Variants in CCDC12 observed in about 807,000 individuals in gnomAD.
CCDC12 encodes coiled-coil domain containing 12.
CCDC12 carries 28 observed loss-of-function variants against 25.7 expected under a neutral mutation model. That is an observed-to-expected ratio of 1.09 (90% CI 0.81 to 1.50). The LOEUF is 1.50. Among genes scored for constraint, CCDC12 ranks in the 40% most tolerant of loss-of-function variants. The pLI, the probability that CCDC12 is intolerant of heterozygous loss-of-function variation, is 0.00. For synonymous variants in CCDC12, 75 were observed against 87.7 expected (o/e 0.86, Z 0.81); for missense variants, 198 against 210.0 (o/e 0.94, Z 0.35).
At chr3:46,975,401 T>C (rs2034935340) in intron 1 of CCDC12, among the ~76,000 whole-genome samples, 1 of 152,092 alleles carries the variant, frequency 6.6e-6, no homozygotes. Context: ...ATCAGGCTGA[T>C]CTCGAACTCC....
At chr3:46,954,529 A>T (rs2034227743) in intron 1 of CCDC12, among the ~76,000 whole-genome samples, 1 of 152,240 alleles carries the variant, frequency 6.6e-6, no homozygotes, top group African/African-American at 2.4e-5. Context: ...ACCTGGCACC[A>T]GATGCATCAA....
chr3:46,976,528 C>T, intron 1 of CCDC12, 109 bp downstream of exon 1: 1 of 1,456,380 alleles, frequency 6.9e-7, no homozygotes, highest in Non-Finnish European at 9.1e-7. Context: ...CCCGCGCATG[C>T]GCGCCCTCGG....
intron 1 of CCDC12, among the ~76,000 whole-genome samples, chr3:46,954,341 T>C (rs911801372): frequency 1.3e-5 from 2 of 152,188 alleles, no homozygotes; most frequent in African/African-American, 4.8e-5. Flanking sequence ...CCACTATGTG[T>C]TCACTTTCGC....
At chr3:46,966,927 A>C (rs1575563364) in intron 1 of CCDC12, among the ~76,000 whole-genome samples, 1 of 151,422 alleles carries the variant, frequency 6.6e-6, no homozygotes, top group South Asian at 2.1e-4. Context: ...ATGCCGCCCC[A>C]CCCCACCAAG....
At chr3:46,954,585 TA>T (rs1473556107) in intron 1 of CCDC12, among the ~76,000 whole-genome samples, 1 of 152,202 alleles carries the variant, frequency 6.6e-6, no homozygotes, top group Non-Finnish European at 1.5e-5. Flanking sequence ...GATTTGTTCT[TA>T]AAATGGGGTG....
chr3:46,927,736 C>T (rs1375393173), intron 2 of CCDC12, among the ~76,000 whole-genome samples: 1 of 152,208 alleles, frequency 6.6e-6, no homozygotes, highest in Non-Finnish European at 1.5e-5. Flanking sequence ...CTCTATCAAG[C>T]TGGGTCCACG....
chr3:46,980,156 G>A (rs1258311070), upstream of CCDC12, among the ~76,000 whole-genome samples: 1 of 152,124 alleles, frequency 6.6e-6, no homozygotes, highest in Admixed American at 6.5e-5. Context: ...ACCCACCCCC[G>A]CGAGCAGGAC....
chr3:46,980,640 C>T (rs2035263434), upstream of CCDC12, among the ~76,000 whole-genome samples: 1 of 152,162 alleles, frequency 6.6e-6, no homozygotes, highest in Admixed American at 6.5e-5. Flanking sequence ...AGGCCCGTTC[C>T]TCCTGAGCTC....
At position 46,923,469 on chromosome 3, in the gene CCDC12, A is replaced by C. The variant is rs777576300; in HGVS notation, c.307-106T>G. ...TGGGAGAAAGAGGAGGAGGAAGGAGAGGGACGAGAGCAAAGGGGCTGGTGG... is the reference window on the plus strand; with the variant it reads ...TGGGAGAAAGAGGAGGAGGAAGGAGCGGGACGAGAGCAAAGGGGCTGGTGG... On this transcript the variant is annotated intron_variant, in intron 4 of 6. Coordinates refer to ENST00000683445, the MANE Select transcript of CCDC12 (RefSeq NM_001277074.2). 1.3e-5 allele frequency: 19 copies of C among 1,492,466 alleles called. No homozygotes were observed. In the African/African-American group the frequency reaches 2.5e-4, roughly 20 times the overall value. 92.5% of individuals were successfully genotyped at this position (1,492,466 alleles called of 1,614,324 possible). A position where few individuals can be genotyped will look rare whatever the true frequency, so the allele number is the denominator to read the frequency against.
intron 1 of CCDC12, among the ~76,000 whole-genome samples, chr3:46,974,440 T>C (rs1200937220): frequency 6.6e-6 from 1 of 152,182 alleles, no homozygotes; most frequent in East Asian, 1.9e-4. Flanking sequence ...GGATGCTATT[T>C]TGTCCGTTGC....
At chr3:46,925,245 G>A (rs2032895724) in intron 3 of CCDC12, 2 of 698,068 alleles carry the variant, frequency 2.9e-6, no homozygotes, top group African/African-American at 1.8e-5. Context: ...GGACTGAGAA[G>A]GCACAAGAGG....
intron 1 of CCDC12, among the ~76,000 whole-genome samples, chr3:46,966,523 A>C (rs55843455): frequency 0.37 from 55,788 of 151,716 alleles, 10,888 homozygotes; most frequent in Middle Eastern, 0.53. Flanking sequence ...CTCAAAAAAA[A>C]AAAGAAAGAA....
rs1198903085 is a variant in CCDC12 at position 46,951,779 on chromosome 3, C to CAAAAAAAAAAAAAAAA, written c.97-10730_97-10715dup. Among the ~76,000 whole-genome samples, 8 of 13,658 alleles carry CAAAAAAAAAAAAAAAA rather than the reference C, an allele frequency of 5.9e-4. 1 individual carries two copies. The highest frequency in any genetic ancestry group is 1.7e-3 in the Admixed American group (1 of 578). The allele number at this position is 13,658 out of a possible 152,430, so 9.0% of individuals were successfully genotyped here. ...TGGGCGACAGAACGAGACTCCGTCT[C>CAAAAAAAAAAAAAAAA]AAAAAAAAAAAAAAAAAAAATATAT... is the stretch of plus-strand genomic sequence containing the variant. On this transcript the variant is annotated intron_variant, in intron 1 of 6. Coordinates refer to ENST00000683445, the MANE Select transcript of CCDC12 (RefSeq NM_001277074.2).
chr3:46,972,897 G>A (rs1211597972), intron 1 of CCDC12, among the ~76,000 whole-genome samples: 1 of 151,740 alleles, frequency 6.6e-6, no homozygotes, highest in Non-Finnish European at 1.5e-5. Context: ...AAACACTATG[G>A]TGTTTCCTCA....
chr3:46,933,206 C>T (rs2033300554), intron 2 of CCDC12, among the ~76,000 whole-genome samples: 1 of 152,234 alleles, frequency 6.6e-6, no homozygotes, highest in Admixed American at 6.5e-5. Flanking sequence ...TCAACGGGAG[C>T]CCAGCCTCTC....
At chr3:46,948,790 C>A (rs1320414166) in intron 1 of CCDC12, among the ~76,000 whole-genome samples, 1 of 152,200 alleles carries the variant, frequency 6.6e-6, no homozygotes, top group Admixed American at 6.5e-5. Flanking sequence ...GCCCAGATAT[C>A]CTCCATGTGT....
chr3:46,943,499 A>G (rs899982112), intron 1 of CCDC12, among the ~76,000 whole-genome samples: 9 of 152,192 alleles, frequency 5.9e-5, no homozygotes, highest in Non-Finnish European at 1.0e-4. Flanking sequence ...AGCCACAAAG[A>G]CGACTCCTTT....
At chr3:46,965,250 C>T (rs756743204) in intron 1 of CCDC12, among the ~76,000 whole-genome samples, 5 of 152,220 alleles carry the variant, frequency 3.3e-5, no homozygotes, top group Non-Finnish European at 5.9e-5. Context: ...CCTTTGCTTT[C>T]CAATTCCCTG....
Position 46,940,619 on chromosome 3 carries a change from A to G in CCDC12, c.164+379T>C, listed in dbSNP as rs571221565. 2.4e-5 allele frequency: 5 copies of G among 206,556 alleles called. 1 individual carries two copies. The South Asian group carries it at 4.0e-4, about 16-fold the overall frequency. 12.8% of individuals were successfully genotyped at this position (206,556 alleles called of 1,614,324 possible). A position where few individuals can be genotyped will look rare whatever the true frequency, so the allele number is the denominator to read the frequency against. On this transcript the variant is annotated intron_variant, in intron 2 of 6. Coordinates refer to ENST00000683445, the MANE Select transcript of CCDC12 (RefSeq NM_001277074.2). ...AGGGCTCTGGCTAGAGGGAAACCAG[A>G]GGAGGTTGGATGAGGCTAGATGGTC...
Sources: gnomAD v4.1 joint callset for allele counts (sites outside exome capture counted in the v4.1 genomes callset) on GRCh38, gnomAD v4.1.1 for gene constraint, MANE v1.5 for transcripts, NCBI Gene and HGNC (gene_info 2026-07-23, HGNC 2026-07-21) for gene names.